The following CAMKV variants were observed in gnomAD, a reference collection of about 807,000 sequenced individuals.
CAMKV encodes CaM kinase like vesicle associated.
Under a neutral mutation model 50.2 loss-of-function variants are expected in CAMKV, and 5 were observed. The observed-to-expected ratio is 0.10, with a 90% CI of 0.05 to 0.21. The LOEUF (loss-of-function observed/expected upper bound fraction) is 0.21. Ranked by LOEUF, CAMKV falls within the 10% of genes least tolerant of loss-of-function variation. CAMKV has a pLI of 1.00. For missense variants in CAMKV, 361 were observed against 650.5 expected (o/e 0.55, Z 4.84); for synonymous variants, 229 against 250.1 (o/e 0.92, Z 0.80).
At position 49,859,225 on chromosome 3, in the gene CAMKV, A is replaced by G. The variant is rs1472178174; in HGVS notation, c.*93T>C. On this transcript the variant is annotated 3_prime_UTR_variant, in exon 11 of 11. Coordinates refer to ENST00000477224, the MANE Select transcript of CAMKV (RefSeq NM_024046.5). This position sits in a 1 kb window ranked among gnomAD's most constrained non-coding sequence, Gnocchi z 5.5. ...TGTGGGGGCATGGGGGAGCGAGGGC[A>G]TCATGCCAGTGACTCTATGTACAGT... is the stretch of plus-strand genomic sequence containing the variant. 8.5e-7 allele frequency: 1 copy of G among 1,180,528 alleles called. No homozygotes were observed. Among genetic ancestry groups the G allele is most frequent in the Non-Finnish European group, 1.2e-6 (1 of 845,738 alleles). 73.1% of individuals were successfully genotyped at this position (1,180,528 alleles called of 1,614,324 possible). A position where few individuals can be genotyped will look rare whatever the true frequency, so the allele number is the denominator to read the frequency against.
At chr3:49,867,911 G>T (rs1320200767) in intron 1 of CAMKV, among the ~76,000 whole-genome samples, 1 of 152,202 alleles carries the variant, frequency 6.6e-6, no homozygotes, top group African/African-American at 2.4e-5. Context: ...GAGCCCTAAG[G>T]CCTCCATGGC....
At position 49,859,158 on chromosome 3, in the gene CAMKV, C is replaced by T. The variant is rs1200330591; in HGVS notation, c.*160G>A. The T allele has an allele frequency of 3.1e-5, 20 of 637,078 alleles. No homozygotes were observed. The highest frequency in any genetic ancestry group is 8.3e-5 in the East Asian group (3 of 35,976). The allele number at this position is 637,078 out of a possible 1,614,324, so 39.5% of individuals were successfully genotyped here. On this transcript the variant is annotated 3_prime_UTR_variant, in exon 11 of 11. Coordinates refer to ENST00000477224, the MANE Select transcript of CAMKV (RefSeq NM_024046.5). This position sits in a 1 kb window ranked among gnomAD's most constrained non-coding sequence, Gnocchi z 5.5. The stretch of plus-strand genomic sequence containing the variant: ...CACTCACACACATACACACAGGAGA[C>T]GAGACTGCTCTCCCGTGACCCCTAG...
In CAMKV at chr3:49,862,035, T is replaced by C; in HGVS notation, c.227+10A>G. 1.2e-6 allele frequency: 2 copies of C among 1,613,116 alleles called. No individual in the cohort carries two copies. The highest frequency in any genetic ancestry group is 1.7e-6 in the Non-Finnish European group (2 of 1,179,270). On this transcript the variant is annotated intron_variant, in intron 3 of 10. Transcript: ENST00000477224. This position sits in a 1 kb window ranked among gnomAD's most constrained non-coding sequence, Gnocchi z 5.2. Reference sequence around the variant, plus strand: ...TCCCACCCCGCCCCAATCCCAGGCCTCAAACTCACATCTTGAGGATGCCTA... The same window carrying C: ...TCCCACCCCGCCCCAATCCCAGGCCCCAAACTCACATCTTGAGGATGCCTA...
rs1036203093 is a variant in CAMKV at position 49,859,131 on chromosome 3, A to C, written c.*187T>G. 4.0e-6 allele frequency: 2 copies of C among 505,648 alleles called. No individual in the cohort carries two copies. The highest frequency in any genetic ancestry group is 6.8e-6 in the Non-Finnish European group (2 of 295,510). 31.3% of individuals were successfully genotyped at this position (505,648 alleles called of 1,614,324 possible). A position where few individuals can be genotyped will look rare whatever the true frequency, so the allele number is the denominator to read the frequency against. ...GGCCGGCCCTGCCACTGGCCTGCCC[A>C]CCACTCACACACATACACACAGGAG... is the stretch of plus-strand genomic sequence containing the variant. On this transcript the variant is annotated 3_prime_UTR_variant, in exon 11 of 11. Coordinates refer to ENST00000477224, the MANE Select transcript of CAMKV (RefSeq NM_024046.5). This position sits in a 1 kb window ranked among gnomAD's most constrained non-coding sequence, Gnocchi z 5.5.
rs1277963891 is a variant in CAMKV at position 49,861,463 on chromosome 3, GAGTGAGTGCAA to G, written c.406_416del (p.Leu136GlnfsTer27). The G allele has an allele frequency of 6.2e-7, 1 of 1,614,130 alleles. No individual in the cohort carries two copies. The highest frequency in any genetic ancestry group is 8.5e-7 in the Non-Finnish European group (1 of 1,180,030). ...CCTTGAGATTCCTGTGCACGATCTTGAGTGAGTGCAAATAGGCCACGGCCTCCAGGACTTGC... is the reference window on the plus strand; with the variant it reads ...CCTTGAGATTCCTGTGCACGATCTTGATAGGCCACGGCCTCCAGGACTTGC... On this transcript the variant is annotated frameshift_variant, in exon 5 of 11. Transcript: ENST00000477224. LOFTEE classifies it high-confidence loss of function. This position sits in a 1 kb window ranked among gnomAD's most constrained non-coding sequence, Gnocchi z 7.7.
At position 49,858,111 on chromosome 3, in the gene CAMKV, G is replaced by C. The variant is rs1302922167; in HGVS notation, c.*1207C>G. The C allele has an allele frequency of 2.8e-5, 11 of 396,646 alleles. No individual in the cohort carries two copies. The East Asian group carries it at 2.9e-4, about 10-fold the overall frequency. The allele number at this position is 396,646 out of a possible 1,614,324, so 24.6% of individuals were successfully genotyped here. A position where few individuals can be genotyped will look rare whatever the true frequency, so the allele number is the denominator to read the frequency against. On this transcript the variant is annotated 3_prime_UTR_variant, in exon 11 of 11. Coordinates refer to ENST00000477224, the MANE Select transcript of CAMKV (RefSeq NM_024046.5). ...AAGGGCAGGACCACCACGGAGTGCC[G>C]AGCAAGGGCGAGGACCAATGTGGCT...
Position 49,861,818 on chromosome 3 carries a change from C to T in CAMKV, c.275G>A (p.Arg92His). ...CTCCAGGAAGATAAAGTACTCCTTG[C>T]GGGTCACAAACACATCCACCAGCTG... ...ILQLVDVFVT[R>H]KEYFIFLELA... Residue 92 changes from arginine to histidine, a missense_variant, in exon 4 of 11, where the codon CGC becomes CAC. Arg to His is a conservative substitution (Grantham distance 29, BLOSUM62 0). Around this residue, in one of 4 missense-constraint regions of CAMKV, gnomAD observed 172 missense variants for 414.3 expected, o/e 0.42. Transcript: ENST00000477224. The surrounding 1 kb of genome is among the most constrained non-coding windows in gnomAD (Gnocchi z 7.7). 6 of 1,613,908 alleles carry T rather than the reference C, an allele frequency of 3.7e-6. No homozygotes were observed. The highest frequency in any genetic ancestry group is 1.3e-5 in the African/African-American group (1 of 75,044).
chr3:49,862,238 T>G lies in CAMKV; in HGVS notation c.95+56A>C. The G allele has an allele frequency of 1.9e-6, 3 of 1,614,030 alleles. No individual in the cohort carries two copies. The highest frequency in any genetic ancestry group is 2.5e-6 in the Non-Finnish European group (3 of 1,180,002). Reference sequence around the variant, plus strand: ...GCATCAGCTGCACTCCACTGCCACTTCCCTAGCCCCTGCTCACCAGCCCAC... The same window carrying G: ...GCATCAGCTGCACTCCACTGCCACTGCCCTAGCCCCTGCTCACCAGCCCAC... On this transcript the variant is annotated intron_variant, in intron 2 of 10. Transcript: ENST00000477224. This position sits in a 1 kb window ranked among gnomAD's most constrained non-coding sequence, Gnocchi z 5.2.
Position 49,860,372 on chromosome 3 carries a change from G to C in CAMKV, c.854+99C>G. On this transcript the variant is annotated intron_variant, in intron 9 of 10. Transcript: ENST00000477224. The surrounding 1 kb of genome is among the most constrained non-coding windows in gnomAD (Gnocchi z 6.1). ...CCAGGCAGAGCCTCTGGGCTGCCCT[G>C]AGCTCTAGGTACCTGCACCCCTTCC... The C allele has an allele frequency of 6.5e-7, 1 of 1,534,776 alleles. No homozygotes were observed. Among genetic ancestry groups the C allele is most frequent in the South Asian group, 1.1e-5 (1 of 88,378 alleles).
Position 49,861,730 on chromosome 3 carries a change from G to C in CAMKV, c.302+61C>G. ...GAAAGGGGGTTTCCTTAGCTGCAGA[G>C]GGTGGGACAGGTGAAAGCCCTGGGC... is the stretch of plus-strand genomic sequence containing the variant. On this transcript the variant is annotated intron_variant, in intron 4 of 10. Transcript: ENST00000477224. The surrounding 1 kb of genome is among the most constrained non-coding windows in gnomAD (Gnocchi z 7.7). The C allele has an allele frequency of 6.3e-7, 1 of 1,598,928 alleles. No homozygotes were observed.
At position 49,859,763 on chromosome 3, in the gene CAMKV, G is replaced by T; in HGVS notation, c.1061C>A (p.Ala354Asp). The T allele has an allele frequency of 6.4e-7, 1 of 1,566,000 alleles. No individual in the cohort carries two copies. Among genetic ancestry groups the T allele is most frequent in the Non-Finnish European group, 8.6e-7 (1 of 1,156,610 alleles). ...AGCTCCACTCGCAGCTGCAGCTGTGGCCCCACCTGCAGCCCCGGGGGTGGC... is the reference window on the plus strand; with the variant it reads ...AGCTCCACTCGCAGCTGCAGCTGTGTCCCCACCTGCAGCCCCGGGGGTGGC... ...DTATPGAAGG[A>D]TAAAASGATS... The change falls in exon 11 of 11, where the codon GCC (alanine) becomes GAC (aspartate). Residue 354 changes from alanine (A) to aspartate (D), a missense_variant. Coordinates refer to ENST00000477224, the MANE Select transcript of CAMKV (RefSeq NM_024046.5). The surrounding 1 kb of genome is among the most constrained non-coding windows in gnomAD (Gnocchi z 5.5).
rs1575405870 is a variant in CAMKV at position 49,860,288 on chromosome 3, G to A, written c.855-30C>T. On this transcript the variant is annotated intron_variant, in intron 9 of 10. Transcript: ENST00000477224. The surrounding 1 kb of genome is among the most constrained non-coding windows in gnomAD (Gnocchi z 6.1). ...AAAGGGTGCAAGTGTGTCTGGATCT[G>A]AGAGAATGAGCCTTTGTGGAGACTC... 1.9e-6 allele frequency: 3 copies of A among 1,602,916 alleles called. No homozygotes were observed. The highest frequency in any genetic ancestry group is 2.6e-6 in the Non-Finnish European group (3 of 1,169,860).
At position 49,861,702 on chromosome 3, in the gene CAMKV, C is replaced by T. The variant is rs537990902; in HGVS notation, c.302+89G>A. ...CACAGGGACCTGGGACGCCAAGGGT[C>T]CAGAAAGGGGGTTTCCTTAGCTGCA... On this transcript the variant is annotated intron_variant, in intron 4 of 10. Coordinates refer to ENST00000477224, the MANE Select transcript of CAMKV (RefSeq NM_024046.5). The surrounding 1 kb of genome is among the most constrained non-coding windows in gnomAD (Gnocchi z 7.7). 68 of 1,593,274 alleles carry T rather than the reference C, an allele frequency of 4.3e-5. No individual in the cohort carries two copies. In the African/African-American group the frequency reaches 8.9e-4, roughly 21 times the overall value.
chr3:49,868,669 T>G (rs1433507275), intron 1 of CAMKV, among the ~76,000 whole-genome samples: 1 of 152,132 alleles, frequency 6.6e-6, no homozygotes, highest in Admixed American at 6.5e-5. Context: ...AGACACCAGT[T>G]CCCCAGTTGA....
At position 49,860,648 on chromosome 3, in the gene CAMKV, A is replaced by C; in HGVS notation, c.775+68T>G. On this transcript the variant is annotated intron_variant, in intron 8 of 10. Transcript: ENST00000477224. This position sits in a 1 kb window ranked among gnomAD's most constrained non-coding sequence, Gnocchi z 6.1. ...GGACAGAAGCAGAATACCACAGAGG[A>C]AGATGAGAGCAGGACACCCTCCCCA... 6.2e-7 allele frequency: 1 copy of C among 1,611,768 alleles called. No individual in the cohort carries two copies. Among genetic ancestry groups the C allele is most frequent in the Non-Finnish European group, 8.5e-7 (1 of 1,178,080 alleles).
rs1459907907 is a variant in CAMKV at position 49,858,972 on chromosome 3, T to G, written c.*346A>C. 4.5e-6 allele frequency: 1 copy of G among 220,000 alleles called. No homozygotes were observed. The highest frequency in any genetic ancestry group is 9.1e-6 in the Non-Finnish European group (1 of 110,336). The allele number at this position is 220,000 out of a possible 1,614,324, so 13.6% of individuals were successfully genotyped here. A position where few individuals can be genotyped will look rare whatever the true frequency, so the allele number is the denominator to read the frequency against. Reference sequence around the variant, plus strand: ...GACCTGCAGGGCCTGCCTAGGGGAATGGTGAGGCAAGAAGGGAAGGGGAAG... The same window carrying G: ...GACCTGCAGGGCCTGCCTAGGGGAAGGGTGAGGCAAGAAGGGAAGGGGAAG... On this transcript the variant is annotated 3_prime_UTR_variant, in exon 11 of 11. Transcript: ENST00000477224.
chr3:49,861,098 A>C lies in CAMKV; in HGVS notation c.563-80T>G. Reference sequence around the variant, plus strand: ...CCATCCACACCAGCTTCCTGAGATGAGCACATTTTCCCCCTGCCCAGAGCA... The same window carrying C: ...CCATCCACACCAGCTTCCTGAGATGCGCACATTTTCCCCCTGCCCAGAGCA... On this transcript the variant is annotated intron_variant, in intron 6 of 10. Transcript: ENST00000477224. The surrounding 1 kb of genome is among the most constrained non-coding windows in gnomAD (Gnocchi z 7.7). 1.9e-6 allele frequency: 3 copies of C among 1,602,642 alleles called. No individual in the cohort carries two copies. The East Asian group carries it at 6.7e-5, about 36-fold the overall frequency.
chr3:49,869,366 G>T lies in CAMKV; in HGVS notation c.-15+392C>A, dbSNP rs1408450458. On this transcript the variant is annotated intron_variant, in intron 1 of 10. Coordinates refer to ENST00000477224, the MANE Select transcript of CAMKV (RefSeq NM_024046.5). This position sits in a 1 kb window ranked among gnomAD's most constrained non-coding sequence, Gnocchi z 5.2. ...CCATAAAGAACTCTCCGTTGTCATG[G>T]AAATTAGTGACTGCTAAGCGGGAGG... Among the ~76,000 whole-genome samples, 1 of 152,176 alleles carries T rather than the reference G, an allele frequency of 6.6e-6. No individual in the cohort carries two copies. Among genetic ancestry groups the T allele is most frequent in the Non-Finnish European group, 1.5e-5 (1 of 68,018 alleles).
intron 1 of CAMKV, among the ~76,000 whole-genome samples, chr3:49,868,198 G>C (rs969358245): frequency 1.3e-5 from 2 of 152,038 alleles, no homozygotes; most frequent in African/African-American, 4.8e-5. Context: ...ATGAGGCTCG[G>C]ATGCCTGGCT....
Sources: gnomAD v4.1 joint callset for allele counts (sites outside exome capture counted in the v4.1 genomes callset) on GRCh38, gnomAD v4.1.1 for gene constraint, gnomAD v4.1.1 regional missense constraint, Gnocchi (gnomAD v3.1) non-coding constraint, MANE v1.5 for transcripts, NCBI Gene and HGNC (gene_info 2026-07-23, HGNC 2026-07-21) for gene names.